NR1D2: variants seen among roughly 807,000 people sequenced by gnomAD.
The protein encoded by NR1D2 is V-erbA-related protein 1-related.
Under a neutral mutation model 52.2 loss-of-function variants are expected in NR1D2, and 25 were observed. That is an observed-to-expected ratio of 0.48 (90% CI 0.35 to 0.67). The LOEUF is 0.67. Ranked by LOEUF, NR1D2 falls within the 30% of genes least tolerant of loss-of-function variation. The probability of loss-of-function intolerance (pLI) is 0.01; values close to 1 mark genes in which losing one functional copy is unlikely to be tolerated. For missense variants in NR1D2, 681 were observed against 707.2 expected (o/e 0.96, Z 0.42); for synonymous variants, 259 against 230.1 (o/e 1.13, Z -1.14).
intron 1 of NR1D2, among the ~76,000 whole-genome samples, chr3:23,952,197 G>A (rs1379480002): frequency 6.6e-6 from 1 of 152,170 alleles, no homozygotes; most frequent in Non-Finnish European, 1.5e-5. Context: ...GGACCATGTT[G>A]CAGGAAAAAT....
In NR1D2 at chr3:23,957,172, G is replaced by A. The variant is rs1400220812; in HGVS notation, c.372+1047G>A. 4.6e-5 allele frequency among the ~76,000 whole-genome samples: 7 copies of A among 151,694 alleles called. No homozygotes were observed. The East Asian group carries it at 1.2e-3, about 26-fold the overall frequency. ...TAATTTTTGTATTTTTAGTAGATTCGGGGTTTCATCACATTGGCCAGGCTG... is the reference window on the plus strand; with the variant it reads ...TAATTTTTGTATTTTTAGTAGATTCAGGGTTTCATCACATTGGCCAGGCTG... On this transcript the variant is annotated intron_variant, in intron 3 of 7. Coordinates refer to ENST00000312521, the MANE Select transcript of NR1D2 (RefSeq NM_005126.5).
chr3:23,961,855 T>G lies in NR1D2; in HGVS notation c.518-122T>G, dbSNP rs575707305. 67 of 897,248 alleles carry G rather than the reference T, an allele frequency of 7.5e-5. 1 individual carries two copies. In the South Asian group the frequency reaches 1.2e-3, roughly 16 times the overall value. 55.6% of individuals were successfully genotyped at this position (897,248 alleles called of 1,614,324 possible). ...TTTAGAAAAATGTGGACCAGAGACA[T>G]GTAGACTCATTCTTTATATGTATGA... On this transcript the variant is annotated intron_variant, in intron 4 of 7. Transcript: ENST00000312521.
At chr3:23,955,497 C>T (rs1028103531) in intron 2 of NR1D2, among the ~76,000 whole-genome samples, 3 of 152,014 alleles carry the variant, frequency 2.0e-5, no homozygotes, top group Non-Finnish European at 4.4e-5. Flanking sequence ...TCCGGGTCAG[C>T]GAGGTATTTT....
At chr3:23,948,132 A>AT (rs1372640773) in intron 1 of NR1D2, among the ~76,000 whole-genome samples, 8 of 150,186 alleles carry the variant, frequency 5.3e-5, no homozygotes, top group Admixed American at 2.7e-4. Flanking sequence ...AAAAAAAAAA[A>AT]GCCTTTTAAC....
chr3:23,972,947 T>C (rs1391923925), intron 7 of NR1D2, among the ~76,000 whole-genome samples: 1 of 152,198 alleles, frequency 6.6e-6, no homozygotes, highest in African/African-American at 2.4e-5. Context: ...TCCCTGAAGT[T>C]CTGAGTTGTA....
Position 23,962,164 on chromosome 3 carries a change from A to G in NR1D2, c.705A>G (p.Gln235=). Residue 235 remains glutamine, a synonymous_variant, in exon 5 of 8, where the codon CAA becomes CAG. Transcript: ENST00000312521. The stretch of plus-strand genomic sequence containing the variant: ...TGCGACCCAAGCCCCAACTGGAGCA[A>G]GAAAACATCAAAAGCTCTTCTCCTC... The part of the protein sequence containing the change: ...EQLRPKPQLE[Q]ENIKSSSPPS... The G allele has an allele frequency of 1.9e-6, 3 of 1,614,204 alleles. No individual in the cohort carries two copies. The highest frequency in any genetic ancestry group is 2.5e-6 in the Non-Finnish European group (3 of 1,180,028).
At chr3:23,947,214 C>T (rs1442218685) in intron 1 of NR1D2, among the ~76,000 whole-genome samples, 2 of 152,178 alleles carry the variant, frequency 1.3e-5, no homozygotes, top group African/African-American at 4.8e-5. Context: ...AGCATGAATT[C>T]TAATAGCTTT....
chr3:23,961,386 T>C (rs1332319334), intron 4 of NR1D2, among the ~76,000 whole-genome samples: 2 of 140,538 alleles, frequency 1.4e-5, no homozygotes, highest in Non-Finnish European at 3.0e-5. Flanking sequence ...TTTCTTTTTC[T>C]TTCTTTTTTT....
At position 23,956,172 on chromosome 3, in the gene NR1D2, G is replaced by A. The variant is rs746969585; in HGVS notation, c.372+47G>A. 6 of 1,479,484 alleles carry A rather than the reference G, an allele frequency of 4.1e-6. No individual in the cohort carries two copies. In the African/African-American group the frequency reaches 8.3e-5, roughly 21 times the overall value. 91.6% of individuals were successfully genotyped at this position (1,479,484 alleles called of 1,614,324 possible). The stretch of plus-strand genomic sequence containing the variant: ...TTAAGCTACTGATTCTGGGATTTAA[G>A]AAGTTGGGTTTAGATTTACCCATTT... On this transcript the variant is annotated intron_variant, in intron 3 of 7. Coordinates refer to ENST00000312521, the MANE Select transcript of NR1D2 (RefSeq NM_005126.5).
At chr3:23,975,528 T>C (rs1378582796) in intron 7 of NR1D2, among the ~76,000 whole-genome samples, 1 of 152,152 alleles carries the variant, frequency 6.6e-6, no homozygotes, top group Non-Finnish European at 1.5e-5. Flanking sequence ...TCCCAGCACT[T>C]TCGGAGGCCG....
intron 1 of NR1D2, among the ~76,000 whole-genome samples, chr3:23,954,305 C>T (rs576747909): frequency 2.6e-5 from 4 of 152,316 alleles, no homozygotes; most frequent in East Asian, 1.9e-4. Context: ...GCCAGTGTGC[C>T]GGGCCTATCT....
At chr3:23,960,408 G>A (rs1706204719) in intron 4 of NR1D2, among the ~76,000 whole-genome samples, 1 of 152,058 alleles carries the variant, frequency 6.6e-6, no homozygotes, top group Non-Finnish European at 1.5e-5. Flanking sequence ...CTGTCTCAAT[G>A]TAGCCTCTAT....
At chr3:23,965,874 G>A (rs530685067) in intron 6 of NR1D2, among the ~76,000 whole-genome samples, 7 of 152,250 alleles carry the variant, frequency 4.6e-5, no homozygotes, top group South Asian at 2.1e-4. Flanking sequence ...ATGTGATTTC[G>A]TTTTTCGAGA....
chr3:23,970,308 G>T (rs1431879136), intron 7 of NR1D2, among the ~76,000 whole-genome samples: 1 of 152,186 alleles, frequency 6.6e-6, no homozygotes, highest in African/African-American at 2.4e-5. Flanking sequence ...AGGAAGAAAT[G>T]ATGGCAAAGG....
At chr3:23,950,902 C>CTTTTTCTTTTTTTTTTT (rs1351954635) in intron 1 of NR1D2, among the ~76,000 whole-genome samples, 2 of 123,104 alleles carry the variant, frequency 1.6e-5, no homozygotes, top group Non-Finnish European at 3.3e-5. Context: ...CTTTCTTTTT[C>CTTTTTCTTTTTTTTTTT]TTTTTTTTTT....
intron 6 of NR1D2, among the ~76,000 whole-genome samples, chr3:23,965,401 G>A (rs1381654679): frequency 6.7e-6 from 1 of 150,132 alleles, no homozygotes; most frequent in East Asian, 1.9e-4. Context: ...ACCACGCCCG[G>A]CTAATTTTTT....
chr3:23,962,975 C>T (rs1706324569), intron 5 of NR1D2, among the ~76,000 whole-genome samples: 1 of 149,858 alleles, frequency 6.7e-6, no homozygotes, highest in Non-Finnish European at 1.5e-5. Flanking sequence ...GAACTTTTCG[C>T]TTGCCATAGT....
At chr3:23,976,988 G>A (rs891158746) in intron 7 of NR1D2, among the ~76,000 whole-genome samples, 5 of 132,818 alleles carry the variant, frequency 3.8e-5, no homozygotes, top group Admixed American at 8.2e-5. Flanking sequence ...ATTCTTAACA[G>A]TAAAGAATTT....
intron 1 of NR1D2, among the ~76,000 whole-genome samples, chr3:23,947,298 C>A (rs1309305366): frequency 6.6e-6 from 1 of 152,244 alleles, no homozygotes; most frequent in African/African-American, 2.4e-5. Context: ...CTTCGCTGAT[C>A]TAAATCTTGC....
Sources: gnomAD v4.1 joint callset for allele counts (sites outside exome capture counted in the v4.1 genomes callset) on GRCh38, gnomAD v4.1.1 for gene constraint, MANE v1.5 for transcripts, NCBI Gene and HGNC (gene_info 2026-07-23, HGNC 2026-07-21) for gene names.